Variants in ERBB4 observed in about 807,000 individuals in gnomAD.
ERBB4 encodes receptor tyrosine-protein kinase erbB-4.
A neutral mutation model predicts 158.0 loss-of-function variants in ERBB4; 42 were observed. The ratio of observed to expected loss-of-function variants is 0.27; its 90% CI spans 0.21 to 0.34. The LOEUF is 0.34. ERBB4 is among the 10% of genes least tolerant of loss of function. The pLI is 1.00. For synonymous variants in ERBB4, 583 were observed against 558.7 expected (o/e 1.04, Z -0.61); for missense variants, 1,333 against 1,624.1 (o/e 0.82, Z 3.08).
At chr2:211,823,607 T>C (rs760444738) in intron 3 of ERBB4, among the ~76,000 whole-genome samples, 1 of 152,032 alleles carries the variant, frequency 6.6e-6, no homozygotes, top group Admixed American at 6.6e-5. Context: ...TGTAATCTTA[T>C]CTAACTTAAA....
At chr2:211,398,085 ATCT>A (rs71974370) in intron 25 of ERBB4, among the ~76,000 whole-genome samples, 7,712 of 152,108 alleles carry the variant, frequency 0.051, 492 homozygotes, top group African/African-American at 0.15. Flanking sequence ...TGAAATGGCC[ATCT>A]TCTTCTCTCC....
chr2:212,206,550 G>A (rs2082751850), intron 1 of ERBB4, among the ~76,000 whole-genome samples: 1 of 148,512 alleles, frequency 6.7e-6, no homozygotes, highest in African/African-American at 2.5e-5. Context: ...TGACATTTTT[G>A]GTTCACAAGC....
chr2:212,165,472 G>C (rs774766320), intron 1 of ERBB4, among the ~76,000 whole-genome samples: 3 of 151,926 alleles, frequency 2.0e-5, no homozygotes, highest in Non-Finnish European at 4.4e-5. Flanking sequence ...AGGATAAATA[G>C]TGACTGATCT....
chr2:211,889,836 G>A lies in ERBB4; in HGVS notation c.421+57594C>T, dbSNP rs528521953. On this transcript the variant is annotated intron_variant, in intron 3 of 27. Coordinates refer to ENST00000342788, the MANE Select transcript of ERBB4 (RefSeq NM_005235.3). ...GTAGGTGAAATGAATGAAATGAAGC[G>A]AGAAGGGAAGGTTAGAGAAAAAAGA... Among the ~76,000 whole-genome samples, 47 of 152,062 alleles carry A rather than the reference G, an allele frequency of 3.1e-4. No individual in the cohort carries two copies. The South Asian group carries it at 6.2e-3, about 20-fold the overall frequency.
At chr2:211,855,505 G>A (rs893622113) in intron 3 of ERBB4, among the ~76,000 whole-genome samples, 10 of 151,978 alleles carry the variant, frequency 6.6e-5, no homozygotes, top group African/African-American at 2.2e-4. Flanking sequence ...TTTGTCTATG[G>A]TGTGAGATTT....
intron 19 of ERBB4, among the ~76,000 whole-genome samples, chr2:211,566,603 T>G (rs1322455995): frequency 6.6e-6 from 1 of 152,182 alleles, no homozygotes; most frequent in African/African-American, 2.4e-5. Context: ...TTAAATGATC[T>G]ATTATTACCT....
chr2:211,667,810 T>C (rs1184511609), intron 14 of ERBB4, among the ~76,000 whole-genome samples: 2 of 152,230 alleles, frequency 1.3e-5, no homozygotes, highest in Non-Finnish European at 2.9e-5. Context: ...TCAAAAGATA[T>C]AAAGTTGTAA....
At chr2:211,979,308 C>T (rs957136216) in intron 2 of ERBB4, among the ~76,000 whole-genome samples, 4 of 152,174 alleles carry the variant, frequency 2.6e-5, no homozygotes, top group Non-Finnish European at 5.9e-5. Flanking sequence ...GAAATTGTCA[C>T]ATTTGCTCAG....
At chr2:211,853,030 T>C (rs1363743856) in intron 3 of ERBB4, among the ~76,000 whole-genome samples, 1 of 152,012 alleles carries the variant, frequency 6.6e-6, no homozygotes, top group Admixed American at 6.6e-5. Flanking sequence ...TCTAGTTCTG[T>C]CGATTTGTGC....
chr2:212,437,472 C>T (rs2092163082), intron 1 of ERBB4, among the ~76,000 whole-genome samples: 1 of 143,870 alleles, frequency 7.0e-6, no homozygotes, highest in Non-Finnish European at 1.5e-5. Context: ...ACCTATGCTA[C>T]TTATATTCAT....
At chr2:211,868,466 G>T (rs2078263239) in intron 3 of ERBB4, among the ~76,000 whole-genome samples, 1 of 152,176 alleles carries the variant, frequency 6.6e-6, no homozygotes, top group Admixed American at 6.5e-5. Context: ...AAGTGAAATA[G>T]AATGGCTCTT....
chr2:211,520,225 G>T (rs6743958), intron 20 of ERBB4, among the ~76,000 whole-genome samples: 32,669 of 152,012 alleles, frequency 0.21, 3,806 homozygotes, highest in Admixed American at 0.26. Context: ...TTCATACGGG[G>T]TGTTTGCATT....
intron 22 of ERBB4, among the ~76,000 whole-genome samples, chr2:211,424,551 G>A (rs1440178552): frequency 2.0e-5 from 3 of 152,016 alleles, no homozygotes; most frequent in Non-Finnish European, 4.4e-5. Flanking sequence ...TACAGTGGAT[G>A]TCAGCATATA....
chr2:211,402,951 T>C (rs567162331), intron 25 of ERBB4, among the ~76,000 whole-genome samples: 1 of 152,186 alleles, frequency 6.6e-6, no homozygotes, highest in East Asian at 1.9e-4. Context: ...TGGATTTACC[T>C]TGAAGCAATG....
At chr2:211,684,471 AAAGAAAAGAAAAG>A (rs1292391751) in intron 12 of ERBB4, among the ~76,000 whole-genome samples, 20 of 152,196 alleles carry the variant, frequency 1.3e-4, no homozygotes, top group Non-Finnish European at 2.1e-4. Context: ...TAAAAAAAGA[AAAGAAAAGAAAAG>A]AAGAAAAGAA....
chr2:212,178,299 TTTG>T (rs2081742101), intron 1 of ERBB4, among the ~76,000 whole-genome samples: 1 of 151,568 alleles, frequency 6.6e-6, no homozygotes, highest in African/African-American at 2.4e-5. Flanking sequence ...AAGGTTTTAT[TTTG>T]GAAAAGCAAT....
intron 3 of ERBB4, among the ~76,000 whole-genome samples, chr2:211,823,907 A>G (rs2077044203): frequency 6.6e-6 from 1 of 152,066 alleles, no homozygotes; most frequent in South Asian, 2.1e-4. Flanking sequence ...TAGAAATGGG[A>G]GATATAATAC....
At chr2:212,091,918 A>T (rs1411780640) in intron 2 of ERBB4, among the ~76,000 whole-genome samples, 1 of 152,042 alleles carries the variant, frequency 6.6e-6, no homozygotes, top group African/African-American at 2.4e-5. Context: ...CAGTGTTCCC[A>T]CTCTTTATAT....
chr2:211,834,426 A>C (rs2077292402), intron 3 of ERBB4, among the ~76,000 whole-genome samples: 1 of 151,788 alleles, frequency 6.6e-6, no homozygotes, highest in Non-Finnish European at 1.5e-5. Flanking sequence ...ACATATGGAT[A>C]GCTTGAACTG....
Sources: gnomAD v4.1 joint callset for allele counts (sites outside exome capture counted in the v4.1 genomes callset) on GRCh38, gnomAD v4.1.1 for gene constraint, MANE v1.5 for transcripts, NCBI Gene and HGNC (gene_info 2026-07-23, HGNC 2026-07-21) for gene names.